SORBS3: variants seen among roughly 807,000 people sequenced by gnomAD.
SORBS3 encodes the protein vinexin.
Under a neutral mutation model 98.0 loss-of-function variants are expected in SORBS3, and 69 were observed. That is an observed-to-expected ratio of 0.70 (90% CI 0.58 to 0.86). The LOEUF is 0.86. Among genes scored for constraint, SORBS3 ranks in the 40% least tolerant of loss-of-function variants. The pLI is 0.00. For synonymous variants in SORBS3, 394 were observed against 355.4 expected (o/e 1.11, Z -1.22); for missense variants, 954 against 908.5 (o/e 1.05, Z -0.64).
At chr8:22,569,627 C>A (rs769903505) in intron 17 of SORBS3, among the ~76,000 whole-genome samples, 1 of 152,188 alleles carries the variant, frequency 6.6e-6, no homozygotes, top group Non-Finnish European at 1.5e-5. Context: ...CGTGAGCCAC[C>A]GCGCCTGGCC....
chr8:22,563,894 G>A, intron 7 of SORBS3, 93 bp from the exon 8 acceptor site: 3 of 940,944 alleles, frequency 3.2e-6, no homozygotes, highest in African/African-American at 1.6e-5. Context: ...AGACCCCACA[G>A]CAGGGACAAG....
In SORBS3 at chr8:22,567,121, G is replaced by C. The variant is rs1360929759; in HGVS notation, c.1251G>C (p.Trp417Cys). Reference protein sequence around the residue: ...VYIHKEVDKNWLEGEHHGRLG... With the variant: ...VYIHKEVDKNCLEGEHHGRLG... ...TCCACAAGGAGGTGGACAAGAACTG[G>C]CTGGAGGGAGAGCACCACGGCCGCC... Residue 417 changes from tryptophan (W) to cysteine (C), a missense_variant, in exon 16 of 21, where the codon TGG becomes TGC. Transcript: ENST00000240123. The C allele has an allele frequency of 8.7e-6, 14 of 1,613,224 alleles. No individual in the cohort carries two copies. The highest frequency in any genetic ancestry group is 1.2e-5 in the Non-Finnish European group (14 of 1,179,616).
chr8:22,571,723 T>C lies in SORBS3; in HGVS notation c.1749T>C (p.Leu583=). Residue 583 remains leucine, a synonymous_variant, in exon 19 of 21, where the codon CTT becomes CTC. Coordinates refer to ENST00000240123, the MANE Select transcript of SORBS3 (RefSeq NM_005775.5). The part of the protein sequence containing the change: ...TQEPRPQTQN[L]GTPGPALSHS... ...TTCTTCCTGTCAACTCCCAGAATCT[T>C]GGCACCCCTGGTCCAGCTCTGTCCC... 1 of 1,613,274 alleles carries C rather than the reference T, an allele frequency of 6.2e-7. No homozygotes were observed. Among genetic ancestry groups the C allele is most frequent in the South Asian group, 1.1e-5 (1 of 91,058 alleles).
At chr8:22,566,225 G>C (rs1586900997) in intron 12 of SORBS3, 120 bp from the exon 13 acceptor site, 1 of 1,332,764 alleles carries the variant, frequency 7.5e-7, no homozygotes, top group Admixed American at 2.4e-5. Flanking sequence ...CCAGGACCCG[G>C]GAGACGCCCT....
chr8:22,549,587 C>T (rs181474346), upstream of SORBS3, among the ~76,000 whole-genome samples: 45 of 152,214 alleles, frequency 3.0e-4, no homozygotes, highest in Non-Finnish European at 6.0e-4. Context: ...CCCATCCTCT[C>T]GGCTGTGAGG....
chr8:22,556,171 G>C (rs1840179814), intron 3 of SORBS3, among the ~76,000 whole-genome samples: 1 of 152,246 alleles, frequency 6.6e-6, no homozygotes, highest in South Asian at 2.1e-4. Flanking sequence ...TCTGGGGAAT[G>C]GGTTTCTGAC....
At chr8:22,569,998 G>A (rs965411589) in intron 17 of SORBS3, among the ~76,000 whole-genome samples, 1 of 152,174 alleles carries the variant, frequency 6.6e-6, no homozygotes, top group Non-Finnish European at 1.5e-5. Context: ...TCATACCGTA[G>A]GCAGTTCTGT....
At chr8:22,564,742 G>C in intron 10 of SORBS3, 1 of 1,421,054 alleles carries the variant, frequency 7.0e-7, no homozygotes, top group Non-Finnish European at 9.2e-7. Context: ...AGCAGGAGCA[G>C]AAAAGGGAGT....
At chr8:22,560,071 A>C (rs978646638) in intron 5 of SORBS3, among the ~76,000 whole-genome samples, 1 of 151,872 alleles carries the variant, frequency 6.6e-6, no homozygotes, top group African/African-American at 2.4e-5. Context: ...AAAAAAAAAA[A>C]AGAAGAGAGA....
In SORBS3 at chr8:22,564,097, C is replaced by T. The variant is rs771543837; in HGVS notation, c.675+20C>T. On this transcript the variant is annotated intron_variant, in intron 8 of 20. Transcript: ENST00000240123. ...AATCAGGTAGCCCACCCAGCATAGTCCCTGGTCAGCCCCAGCTGTATGCCG... is the reference window on the plus strand; with the variant it reads ...AATCAGGTAGCCCACCCAGCATAGTTCCTGGTCAGCCCCAGCTGTATGCCG... 8 of 1,605,624 alleles carry T rather than the reference C, an allele frequency of 5.0e-6. No homozygotes were observed. Among genetic ancestry groups the T allele is most frequent in the Non-Finnish European group, 6.0e-6 (7 of 1,173,108 alleles).
chr8:22,547,238 G>C (rs1422788163), upstream of SORBS3, among the ~76,000 whole-genome samples: 1 of 151,868 alleles, frequency 6.6e-6, no homozygotes, highest in Non-Finnish European at 1.5e-5. Context: ...GGAAATGAAG[G>C]ACTTCAATGC....
intron 20 of SORBS3, 117 bp downstream of exon 20, chr8:22,572,563 TTCCGGCCGGGCTACTGGGGGGGCC>T: frequency 1.2e-6 from 1 of 827,204 alleles, no homozygotes; most frequent in Non-Finnish European, 2.0e-6. Flanking sequence ...CCGACTCAGC[TTCCGGCCGGGCTACTGGGGGGGCC>T]TGGCACCCGA....
rs1468966373 is a variant in SORBS3 at position 22,564,379 on chromosome 8, G to A, written c.762+10G>A. On this transcript the variant is annotated intron_variant, in intron 9 of 20. Transcript: ENST00000240123. ...AGAGACTGGGCAGAGGGTGAGTGCT[G>A]GCTGGCTCTCGGGGTGTGCACGCAC... The A allele has an allele frequency of 6.2e-7, 1 of 1,613,836 alleles. No homozygotes were observed. The highest frequency in any genetic ancestry group is 8.5e-7 in the Non-Finnish European group (1 of 1,179,726).
intron 11 of SORBS3, 121 bp downstream of exon 11, chr8:22,565,475 G>A (rs1840388743): frequency 1.3e-6 from 1 of 781,930 alleles, no homozygotes; most frequent in African/African-American, 1.9e-5. Flanking sequence ...CTCCAGCGGC[G>A]CGCACCGGCC....
rs1313340351 is a variant in SORBS3 at position 22,554,401 on chromosome 8, A to G, written c.-55-51A>G. ...TATCCCAGGGTCGAGCCAAGAGGGC[A>G]TGGGCAGCCTAGCCTAGCAGGGCTT... On this transcript the variant is annotated intron_variant, in intron 1 of 20. Transcript: ENST00000240123. This position sits in a 1 kb window ranked among gnomAD's most constrained non-coding sequence, Gnocchi z 6.5. The G allele has an allele frequency of 3.3e-6, 5 of 1,500,810 alleles. No homozygotes were observed. The highest frequency in any genetic ancestry group is 4.4e-6 in the Non-Finnish European group (5 of 1,131,076). 93.0% of individuals were successfully genotyped at this position (1,500,810 alleles called of 1,614,324 possible).
At position 22,554,738 on chromosome 8, in the gene SORBS3, G is replaced by T; in HGVS notation, c.103-125G>T. On this transcript the variant is annotated intron_variant, in intron 2 of 20. Transcript: ENST00000240123. The surrounding 1 kb of genome is among the most constrained non-coding windows in gnomAD (Gnocchi z 6.5). ...GAAGAGAGCTCTGGGGGGCCTCGCT[G>T]GTTTCCCACAAAATCGTCAGGCGGG... 7.3e-7 allele frequency: 1 copy of T among 1,369,844 alleles called. No homozygotes were observed. The highest frequency in any genetic ancestry group is 9.9e-7 in the Non-Finnish European group (1 of 1,007,756). The allele number at this position is 1,369,844 out of a possible 1,614,324, so 84.9% of individuals were successfully genotyped here. A position where few individuals can be genotyped will look rare whatever the true frequency, so the allele number is the denominator to read the frequency against.
At chr8:22,561,657 T>C (rs1160442501) in intron 6 of SORBS3, 2 of 616,630 alleles carry the variant, frequency 3.2e-6, no homozygotes, top group African/African-American at 1.8e-5. Context: ...CTACTCGGAG[T>C]TGTTTTGAAG....
intron 17 of SORBS3, among the ~76,000 whole-genome samples, chr8:22,569,839 A>G (rs1195436540): frequency 6.6e-6 from 1 of 151,968 alleles, no homozygotes; most frequent in Non-Finnish European, 1.5e-5. Context: ...CAGCCTCCCA[A>G]GTAATTTTGG....
chr8:22,569,251 A>C lies in SORBS3; in HGVS notation c.1409A>C (p.Glu470Ala). Reference sequence around the variant, plus strand: ...CAGTACACCTTCAAGGGGGACCTGGAGGTGGAGCTGTCCTTCCGCAAGGTG... The same window carrying C: ...CAGTACACCTTCAAGGGGGACCTGGCGGTGGAGCTGTCCTTCCGCAAGGTG... Reference protein sequence around the residue: ...VAQYTFKGDLEVELSFRKGEH... With the variant: ...VAQYTFKGDLAVELSFRKGEH... Residue 470 changes from glutamate (E) to alanine (A), a missense_variant, in exon 17 of 21, where the codon GAG (glutamate) becomes GCG (alanine). By Grantham distance (107) the Glu-to-Ala change is moderately radical. Transcript: ENST00000240123. 1 of 1,593,356 alleles carries C rather than the reference A, an allele frequency of 6.3e-7. No individual in the cohort carries two copies. Among genetic ancestry groups the C allele is most frequent in the Non-Finnish European group, 8.6e-7 (1 of 1,168,888 alleles).
Sources: gnomAD v4.1 joint callset for allele counts (sites outside exome capture counted in the v4.1 genomes callset) on GRCh38, gnomAD v4.1.1 for gene constraint, Gnocchi (gnomAD v3.1) non-coding constraint, MANE v1.5 for transcripts, NCBI Gene and HGNC (gene_info 2026-07-23, HGNC 2026-07-21) for gene names.